The following CAPZB variants were observed in gnomAD, a reference collection of about 807,000 sequenced individuals.
CAPZB encodes F-actin-capping protein subunit beta.
A neutral mutation model predicts 38.1 loss-of-function variants in CAPZB; 2 were observed. The ratio of observed to expected loss-of-function variants is 0.05; its 90% CI spans 0.02 to 0.17. The LOEUF (loss-of-function observed/expected upper bound fraction) is 0.17. CAPZB is among the 10% of genes least tolerant of loss of function. The pLI, the probability that CAPZB is intolerant of heterozygous loss-of-function variation, is 1.00. For missense variants in CAPZB, 161 were observed against 334.2 expected (o/e 0.48, Z 4.04); for synonymous variants, 107 against 127.4 (o/e 0.84, Z 1.08).
chr1:19,367,373 G>T (rs984375734), intron 4 of CAPZB, among the ~76,000 whole-genome samples: 1 of 152,234 alleles, frequency 6.6e-6, no homozygotes, highest in Non-Finnish European at 1.5e-5. Flanking sequence ...CTTACTTTCT[G>T]AACAGAGGGG....
intron 2 of CAPZB, among the ~76,000 whole-genome samples, chr1:19,389,341 CAGAG>C (rs1260096235): frequency 6.6e-6 from 1 of 152,170 alleles, no homozygotes; most frequent in Non-Finnish European, 1.5e-5. Flanking sequence ...CTGGATAAAA[CAGAG>C]GGAGGCCAGT....
At chr1:19,428,628 T>C (rs2094431905) in intron 1 of CAPZB, among the ~76,000 whole-genome samples, 1 of 152,192 alleles carries the variant, frequency 6.6e-6, no homozygotes, top group Non-Finnish European at 1.5e-5. Flanking sequence ...TGAGTCCTGC[T>C]CCTTCATTTG....
In CAPZB at chr1:19,357,691, C is replaced by G; in HGVS notation, c.330-128G>C. On this transcript the variant is annotated intron_variant, in intron 4 of 8. Coordinates refer to ENST00000264202, the MANE Select transcript of CAPZB (RefSeq NM_004930.5). This position sits in a 1 kb window ranked among gnomAD's most constrained non-coding sequence, Gnocchi z 4.3. Reference sequence around the variant, plus strand: ...CCTGCGACAGTTATGGGAGCCGATCCTTGGGTGTGTTCTGATCGTTCTGTG... The same window carrying G: ...CCTGCGACAGTTATGGGAGCCGATCGTTGGGTGTGTTCTGATCGTTCTGTG... The G allele has an allele frequency of 1.2e-6, 1 of 836,368 alleles. No individual in the cohort carries two copies. The highest frequency in any genetic ancestry group is 1.9e-6 in the Non-Finnish European group (1 of 526,362). The allele number at this position is 836,368 out of a possible 1,614,324, so 51.8% of individuals were successfully genotyped here.
chr1:19,464,501 C>T (rs1253768527), intron 1 of CAPZB, among the ~76,000 whole-genome samples: 2 of 151,866 alleles, frequency 1.3e-5, no homozygotes, highest in African/African-American at 4.8e-5. Flanking sequence ...CCGTTGTTAG[C>T]CAGGATGGTC....
At chr1:19,377,327 T>C (rs2094149338) in intron 4 of CAPZB, among the ~76,000 whole-genome samples, 1 of 152,228 alleles carries the variant, frequency 6.6e-6, no homozygotes, top group African/African-American at 2.4e-5. Flanking sequence ...GAATTTCAGA[T>C]AAATATGGGT....
At chr1:19,461,802 C>T (rs1258797639) in intron 1 of CAPZB, among the ~76,000 whole-genome samples, 1 of 152,174 alleles carries the variant, frequency 6.6e-6, no homozygotes, top group East Asian at 1.9e-4. Context: ...GGCGAATTAC[C>T]TACCCTCACT....
intron 8 of CAPZB, among the ~76,000 whole-genome samples, chr1:19,341,472 A>C (rs2093928259): frequency 6.6e-6 from 1 of 152,200 alleles, no homozygotes; most frequent in African/African-American, 2.4e-5. Flanking sequence ...ATCATGTTAG[A>C]CACAGGAAGT....
intron 1 of CAPZB, among the ~76,000 whole-genome samples, chr1:19,469,617 C>A (rs975311822): frequency 6.6e-6 from 1 of 151,856 alleles, no homozygotes; most frequent in Admixed American, 6.6e-5. Flanking sequence ...GCGGCGGCCA[C>A]GGAGAGAGCA....
chr1:19,378,887 A>G (rs2094157585), intron 3 of CAPZB, among the ~76,000 whole-genome samples: 1 of 152,182 alleles, frequency 6.6e-6, no homozygotes, highest in Non-Finnish European at 1.5e-5. Context: ...CTGGCTGTGA[A>G]TGCTCAGCAA....
intron 2 of CAPZB, among the ~76,000 whole-genome samples, chr1:19,401,860 G>A (rs896366975): frequency 1.8e-4 from 28 of 152,190 alleles, no homozygotes; most frequent in Admixed American, 7.9e-4. Flanking sequence ...GGGGACATCT[G>A]CTTATTTGGC....
chr1:19,452,793 C>CT lies in CAPZB; in HGVS notation c.3+32642dup, dbSNP rs34430556. On this transcript the variant is annotated intron_variant, in intron 1 of 8. Transcript: ENST00000264202. ...CTTCGGCAGTCAGAATAATTTCTTT[C>CT]TTTTTTTTTTTTTTTTTTGTCTTTT... 2.6e-3 allele frequency among the ~76,000 whole-genome samples: 308 copies of CT among 118,418 alleles called. 2 individuals carry two copies. Among genetic ancestry groups the CT allele is most frequent in the South Asian group, 9.5e-3 (36 of 3,772 alleles). The allele number at this position is 118,418 out of a possible 152,430, so 77.7% of individuals were successfully genotyped here. A position where few individuals can be genotyped will look rare whatever the true frequency, so the allele number is the denominator to read the frequency against.
chr1:19,459,402 T>C (rs1263140403), intron 1 of CAPZB, among the ~76,000 whole-genome samples: 2 of 152,226 alleles, frequency 1.3e-5, no homozygotes, highest in Non-Finnish European at 1.5e-5. Context: ...TAAGCATTAC[T>C]TTTGCAGGCA....
At chr1:19,485,264 G>A (rs1376175461) in intron 1 of CAPZB, among the ~76,000 whole-genome samples, 172 bp downstream of exon 1, 1 of 152,046 alleles carries the variant, frequency 6.6e-6, no homozygotes, top group Non-Finnish European at 1.5e-5. Flanking sequence ...CAAGTCGTCC[G>A]CGCCGGCGGC....
chr1:19,458,100 A>T (rs919129269), intron 1 of CAPZB, among the ~76,000 whole-genome samples: 8 of 15,402 alleles, frequency 5.2e-4, no homozygotes, highest in Non-Finnish European at 9.8e-4. Context: ...AGGAGTTGCC[A>T]AAAAAAAAAA....
chr1:19,468,164 C>A (rs1188360683), intron 1 of CAPZB, among the ~76,000 whole-genome samples: 1 of 152,170 alleles, frequency 6.6e-6, no homozygotes, highest in African/African-American at 2.4e-5. Flanking sequence ...GACTAAGACG[C>A]TGAAACAATA....
At chr1:19,409,299 G>T (rs12403329) in intron 2 of CAPZB, among the ~76,000 whole-genome samples, 4 of 151,780 alleles carry the variant, frequency 2.6e-5, no homozygotes, top group Non-Finnish European at 5.9e-5. Context: ...CAAGGTGAGG[G>T]GATCCACTTC....
intron 1 of CAPZB, among the ~76,000 whole-genome samples, chr1:19,448,243 C>T (rs1274248065): frequency 1.3e-5 from 2 of 152,256 alleles, no homozygotes; most frequent in African/African-American, 4.8e-5. Flanking sequence ...GCACTGCCCA[C>T]CCATGAGGGA....
intron 4 of CAPZB, among the ~76,000 whole-genome samples, chr1:19,361,017 C>A (rs1202951058): frequency 2.0e-5 from 3 of 152,142 alleles, no homozygotes; most frequent in Non-Finnish European, 4.4e-5. Flanking sequence ...AGATGCATGA[C>A]TTTTATATAA....
At chr1:19,355,414 G>A (rs924498456) in intron 6 of CAPZB, among the ~76,000 whole-genome samples, 12 of 150,534 alleles carry the variant, frequency 8.0e-5, no homozygotes, top group Admixed American at 6.0e-4. Flanking sequence ...AGAATCGCTT[G>A]AACCCGGGAG....
Sources: allele counts gnomAD v4.1 joint callset (sites outside exome capture counted in the v4.1 genomes callset), GRCh38; gene constraint gnomAD v4.1.1; non-coding constraint Gnocchi (gnomAD v3.1); transcripts MANE v1.5; gene names NCBI Gene and HGNC (gene_info 2026-07-23, HGNC 2026-07-21).